The following SLC38A1 variants were observed in gnomAD, a reference collection of about 807,000 sequenced individuals.
SLC38A1 encodes sodium-coupled neutral amino acid symporter 1.
In SLC38A1, 18 loss-of-function variants were observed where a neutral mutation model predicts 60.3. The ratio of observed to expected loss-of-function variants is 0.30; its 90% CI spans 0.21 to 0.44. The LOEUF (loss-of-function observed/expected upper bound fraction) is 0.44. SLC38A1 is among the 20% of genes least tolerant of loss of function. The pLI is 1.00. For missense variants in SLC38A1, 448 were observed against 587.2 expected (o/e 0.76, Z 2.45); for synonymous variants, 196 against 212.1 (o/e 0.92, Z 0.66).
At position 46,201,129 on chromosome 12, in the gene SLC38A1, C is replaced by A; in HGVS notation, c.972G>T (p.Leu324Phe). 1.2e-6 allele frequency: 2 copies of A among 1,613,184 alleles called. No homozygotes were observed. The highest frequency in any genetic ancestry group is 2.2e-5 in the South Asian group (2 of 90,850). ...ATGTCAAGTAGCCAAAAATGGCAGT[C>A]AAGAAGTACATAACAAACATGGCGA... ...SFFAMFVMYF[L>F]TAIFGYLTFY... The change falls in exon 13 of 17, where the codon TTG becomes TTT. Residue 324 changes from leucine (L) to phenylalanine (F), a missense_variant. Leu to Phe is a conservative substitution (Grantham distance 22). This residue lies in a region of SLC38A1 where 346 missense variants were observed against 497.5 expected (regional missense o/e 0.70). Coordinates refer to ENST00000398637, the MANE Select transcript of SLC38A1 (RefSeq NM_030674.4).
chr12:46,232,863 A>G (rs1941127317), intron 3 of SLC38A1, among the ~76,000 whole-genome samples: 1 of 152,192 alleles, frequency 6.6e-6, no homozygotes, highest in African/African-American at 2.4e-5. Context: ...CTAGGTAAAT[A>G]GTTGTTATAC....
At chr12:46,247,867 T>TG (rs1941676943) in intron 1 of SLC38A1, among the ~76,000 whole-genome samples, 1 of 151,870 alleles carries the variant, frequency 6.6e-6, no homozygotes, top group Admixed American at 6.5e-5. Flanking sequence ...CAGAAGAGAG[T>TG]GGGGGCCAAC....
chr12:46,223,452 T>TCACACACACACACACACA (rs146387838), intron 5 of SLC38A1, among the ~76,000 whole-genome samples: 9 of 146,182 alleles, frequency 6.2e-5, no homozygotes, highest in African/African-American at 2.0e-4. Context: ...TCTCTCACAT[T>TCACACACACACACACACA]CACACACACA....
At chr12:46,235,965 T>A (rs988336279) in intron 3 of SLC38A1, among the ~76,000 whole-genome samples, 8 of 152,154 alleles carry the variant, frequency 5.3e-5, no homozygotes, top group African/African-American at 1.9e-4. Flanking sequence ...CCAGCAATCA[T>A]CCAAAACCTA....
intron 1 of SLC38A1, chr12:46,267,780 C>A (rs1442522908): frequency 6.6e-6 from 1 of 152,322 alleles, no homozygotes; most frequent in African/African-American, 2.4e-5. Flanking sequence ...CCCAAGACCG[C>A]GCAAGAGGTG....
chr12:46,207,110 TA>T, intron 8 of SLC38A1, 44 bp downstream of exon 8: 1 of 1,328,472 alleles, frequency 7.5e-7, no homozygotes, highest in African/African-American at 1.5e-5. Context: ...ATATTTAAAT[TA>T]AAAACATTTT....
At chr12:46,235,456 G>T (rs2138133082) in intron 3 of SLC38A1, among the ~76,000 whole-genome samples, 1 of 152,250 alleles carries the variant, frequency 6.6e-6, no homozygotes, top group Admixed American at 6.5e-5. Flanking sequence ...TGAAAAGGGA[G>T]AATTGAAGAA....
At chr12:46,235,003 C>T (rs768804925) in intron 3 of SLC38A1, among the ~76,000 whole-genome samples, 11 of 152,072 alleles carry the variant, frequency 7.2e-5, no homozygotes, top group Non-Finnish European at 1.3e-4. Context: ...TGTCTGTACC[C>T]ATAAAACAGA....
intron 3 of SLC38A1, among the ~76,000 whole-genome samples, chr12:46,232,080 T>A (rs887738602): frequency 6.6e-6 from 1 of 152,218 alleles, no homozygotes; most frequent in Non-Finnish European, 1.5e-5. Context: ...TCAAACAAAA[T>A]AACCAAAGTT....
chr12:46,226,335 A>T (rs893847959), intron 5 of SLC38A1, among the ~76,000 whole-genome samples: 29 of 152,306 alleles, frequency 1.9e-4, no homozygotes, highest in African/African-American at 6.5e-4. Flanking sequence ...TCCTCAGAGA[A>T]GATATTGAAA....
At chr12:46,241,827 C>T (rs1941459203) in intron 2 of SLC38A1, among the ~76,000 whole-genome samples, 1 of 152,214 alleles carries the variant, frequency 6.6e-6, no homozygotes, top group Non-Finnish European at 1.5e-5. Flanking sequence ...TGTGTGACTA[C>T]ATCCCAGGCT....
chr12:46,233,243 G>A (rs142204486), intron 3 of SLC38A1, among the ~76,000 whole-genome samples: 38 of 152,032 alleles, frequency 2.5e-4, no homozygotes, highest in African/African-American at 8.7e-4. Context: ...CGCTGGTCTC[G>A]AACTCCTTGG....
chr12:46,245,780 G>A (rs1941595010), intron 1 of SLC38A1, among the ~76,000 whole-genome samples: 1 of 152,092 alleles, frequency 6.6e-6, no homozygotes, highest in South Asian at 2.1e-4. Context: ...CATACTCACT[G>A]TAGAATCTTC....
At chr12:46,227,226 A>G (rs1940902911) in intron 5 of SLC38A1, among the ~76,000 whole-genome samples, 1 of 152,216 alleles carries the variant, frequency 6.6e-6, no homozygotes, top group African/African-American at 2.4e-5. Flanking sequence ...TCAAAGGTAA[A>G]AGTAGAATAA....
intron 3 of SLC38A1, among the ~76,000 whole-genome samples, chr12:46,238,483 T>C (rs1941333319): frequency 6.6e-6 from 1 of 152,246 alleles, no homozygotes; most frequent in South Asian, 2.1e-4. Flanking sequence ...GTTCTTATCC[T>C]CTTCCATCCC....
In SLC38A1 at chr12:46,186,878, A is replaced by G. The variant is rs1480189627; in HGVS notation, c.*2092T>C. 8 of 152,218 alleles carry G rather than the reference A, an allele frequency of 5.3e-5. No individual in the cohort carries two copies. The highest frequency in any genetic ancestry group is 5.2e-4 in the Admixed American group (8 of 15,282). The allele number at this position is 152,218 out of a possible 1,614,324, so 9.4% of individuals were successfully genotyped here. On this transcript the variant is annotated 3_prime_UTR_variant, in exon 17 of 17. Coordinates refer to ENST00000398637, the MANE Select transcript of SLC38A1 (RefSeq NM_030674.4). The stretch of plus-strand genomic sequence containing the variant: ...CATAATATAGCTTGCAAACTAAATT[A>G]TGTATTTTTAAAGGTACAGTCATCC...
intron 5 of SLC38A1, among the ~76,000 whole-genome samples, chr12:46,222,911 C>T (rs992415347): frequency 2.0e-5 from 3 of 152,108 alleles, no homozygotes; most frequent in Non-Finnish European, 4.4e-5. Context: ...TTGATATTGC[C>T]AAGCTGTTTT....
chr12:46,235,661 AG>A (rs1400780459), intron 3 of SLC38A1, among the ~76,000 whole-genome samples: 3 of 152,342 alleles, frequency 2.0e-5, no homozygotes, highest in African/African-American at 7.2e-5. Flanking sequence ...AAAACATAGA[AG>A]AAGAGGGATA....
intron 5 of SLC38A1, among the ~76,000 whole-genome samples, chr12:46,217,495 TG>T (rs879562280): frequency 6.6e-6 from 1 of 152,244 alleles, no homozygotes; most frequent in Non-Finnish European, 1.5e-5. Context: ...AATGGTTTAA[TG>T]GTTATCTTAG....
Sources: allele counts gnomAD v4.1 joint callset (sites outside exome capture counted in the v4.1 genomes callset), GRCh38; gene constraint gnomAD v4.1.1; regional missense constraint gnomAD v4.1.1; transcripts MANE v1.5; gene names NCBI Gene and HGNC (gene_info 2026-07-23, HGNC 2026-07-21).